The following SH3RF1 variants were observed in gnomAD, a reference collection of about 807,000 sequenced individuals.
SH3RF1 encodes SH3 domain containing ring finger 1.
In SH3RF1, 32 loss-of-function variants were observed where a neutral mutation model predicts 74.0. That is an observed-to-expected ratio of 0.43 (90% confidence interval 0.33 to 0.58). SH3RF1 has a LOEUF of 0.58. SH3RF1 is among the 20% of genes least tolerant of loss of function. The pLI is 0.05. For missense variants in SH3RF1, 954 were observed against 1,130.9 expected, an observed-to-expected ratio of 0.84 and a Z score of 2.24; for synonymous variants, 396 against 439.6, an observed-to-expected ratio of 0.90 and a Z score of 1.24.
chr4:169,255,610 T>TACACACACACACACACAC (rs1579165721), intron 2 of SH3RF1, among the ~76,000 whole-genome samples: 2 of 61,226 alleles, frequency 3.3e-5, no homozygotes, highest in Non-Finnish European at 7.9e-5. Flanking sequence ...CATACACACA[T>TACACACACACACACACAC]ACATACACAC....
chr4:169,222,522 T>G (rs1461702129), intron 2 of SH3RF1, among the ~76,000 whole-genome samples: 1 of 149,258 alleles, frequency 6.7e-6, no homozygotes, highest in Non-Finnish European at 1.5e-5. Context: ...TATATATATA[T>G]ATAAATCATT....
intron 7 of SH3RF1, 143 bp from the exon 8 acceptor site, chr4:169,121,132 G>A: frequency 1.5e-6 from 1 of 672,456 alleles, no homozygotes; most frequent in East Asian, 2.7e-5. Context: ...AAGTAGCACT[G>A]ACAATTCTCC....
intron 2 of SH3RF1, among the ~76,000 whole-genome samples, chr4:169,183,617 G>A (rs1195135602): frequency 5.3e-5 from 8 of 151,954 alleles, no homozygotes; most frequent in Admixed American, 1.3e-4. Context: ...GTGTGGTGGT[G>A]TACAACTGTA....
chr4:169,233,888 C>T (rs988339863), intron 2 of SH3RF1, among the ~76,000 whole-genome samples: 2 of 152,104 alleles, frequency 1.3e-5, no homozygotes, highest in South Asian at 4.1e-4. Flanking sequence ...TCTCTATTTC[C>T]GCCCCTGCCT....
chr4:169,107,747 T>C (rs1733170765), intron 10 of SH3RF1, among the ~76,000 whole-genome samples: 1 of 152,212 alleles, frequency 6.6e-6, no homozygotes, highest in Non-Finnish European at 1.5e-5. Flanking sequence ...GCCTTATCAT[T>C]TACAGGCAGT....
At chr4:169,169,069 A>C (rs544627264) in intron 2 of SH3RF1, among the ~76,000 whole-genome samples, 1 of 152,236 alleles carries the variant, frequency 6.6e-6, no homozygotes, top group East Asian at 1.9e-4. Context: ...TTATCTTCTT[A>C]TTTTTGCTGT....
At chr4:169,240,640 G>A (rs1027619551) in intron 2 of SH3RF1, among the ~76,000 whole-genome samples, 2 of 152,086 alleles carry the variant, frequency 1.3e-5, no homozygotes, top group African/African-American at 4.8e-5. Context: ...TTTTTAATAT[G>A]TATACATTGT....
intron 2 of SH3RF1, among the ~76,000 whole-genome samples, chr4:169,227,620 A>G (rs781340638): frequency 3.3e-5 from 5 of 152,176 alleles, no homozygotes; most frequent in Non-Finnish European, 5.9e-5. Flanking sequence ...GTGTTCCATA[A>G]CATCTATGCA....
chr4:169,133,231 T>C (rs1299180105), intron 5 of SH3RF1, among the ~76,000 whole-genome samples: 4 of 152,224 alleles, frequency 2.6e-5, no homozygotes, highest in Admixed American at 1.3e-4. Flanking sequence ...TGGGATGAGA[T>C]AAAAATGAAT....
At chr4:169,112,837 C>A (rs1351320119) in intron 10 of SH3RF1, among the ~76,000 whole-genome samples, 4 of 152,162 alleles carry the variant, frequency 2.6e-5, no homozygotes, top group Admixed American at 1.3e-4. Context: ...AAGAAAGACA[C>A]AGACCCGCTG....
intron 2 of SH3RF1, chr4:169,219,986 C>T (rs1466436674): frequency 1.4e-5 from 2 of 143,386 alleles, no homozygotes; most frequent in East Asian, 4.3e-4. Flanking sequence ...GCGTGTGGTA[C>T]TCTAAATTAC....
intron 2 of SH3RF1, among the ~76,000 whole-genome samples, chr4:169,201,277 G>A (rs772904626): frequency 2.0e-5 from 3 of 152,138 alleles, no homozygotes; most frequent in East Asian, 1.9e-4. Flanking sequence ...AACAATTGAC[G>A]AATACTTATT....
chr4:169,117,487 T>G, intron 9 of SH3RF1, 36 bp downstream of exon 9: 2 of 1,605,406 alleles, frequency 1.2e-6, no homozygotes, highest in Non-Finnish European at 1.7e-6. Flanking sequence ...GGTAAGCCCT[T>G]TATCCTGATA....
At chr4:169,261,446 C>T (rs1234591089) in intron 2 of SH3RF1, among the ~76,000 whole-genome samples, 1 of 152,134 alleles carries the variant, frequency 6.6e-6, no homozygotes, top group Non-Finnish European at 1.5e-5. Flanking sequence ...CTTAAGTCAA[C>T]TGCAGGTAAG....
intron 4 of SH3RF1, among the ~76,000 whole-genome samples, chr4:169,149,968 T>G (rs1369967701): frequency 6.6e-6 from 1 of 152,198 alleles, no homozygotes; most frequent in Non-Finnish European, 1.5e-5. Flanking sequence ...CTTCTTATTC[T>G]TTGGAACACA....
intron 2 of SH3RF1, among the ~76,000 whole-genome samples, chr4:169,157,646 T>C (rs1394435112): frequency 6.6e-6 from 1 of 152,224 alleles, no homozygotes; most frequent in Non-Finnish European, 1.5e-5. Flanking sequence ...AACATGTCTA[T>C]AATAATTCCC....
intron 2 of SH3RF1, among the ~76,000 whole-genome samples, chr4:169,168,325 C>T (rs1734278530): frequency 6.6e-6 from 1 of 152,124 alleles, no homozygotes; most frequent in Admixed American, 6.6e-5. Context: ...ACTGTCACTC[C>T]TAGAATCTGA....
chr4:169,217,661 G>C (rs184143547), intron 2 of SH3RF1, among the ~76,000 whole-genome samples: 1 of 152,234 alleles, frequency 6.6e-6, no homozygotes, highest in Non-Finnish European at 1.5e-5. Flanking sequence ...CTGAGCATCA[G>C]ATATGAGGAA....
At chr4:169,166,693 G>A in intron 2 of SH3RF1, 1 of 200,302 alleles carries the variant, frequency 5.0e-6, no homozygotes, top group Non-Finnish European at 1.0e-5. Context: ...CTGCGAGCCA[G>A]CATCACCCCA....
Sources: gnomAD v4.1 joint callset for allele counts (sites outside exome capture counted in the v4.1 genomes callset) on GRCh38, gnomAD v4.1.1 for gene constraint, MANE v1.5 for transcripts, NCBI Gene and HGNC (gene_info 2026-07-23, HGNC 2026-07-21) for gene names.